CABCOCO1: variants seen among roughly 807,000 people sequenced by gnomAD.
CABCOCO1 encodes the protein ciliary associated calcium binding coiled-coil 1.
CABCOCO1 carries 28 observed loss-of-function variants against 35.7 expected under a neutral mutation model. The observed-to-expected ratio is 0.78, with a 90% confidence interval of 0.58 to 1.07. The LOEUF is 1.07. Among genes scored for constraint, CABCOCO1 ranks in the 50% least tolerant of loss-of-function variants. CABCOCO1 has a pLI of 0.00. For synonymous variants in CABCOCO1, 95 were observed against 100.1 expected, an observed-to-expected ratio of 0.95 and a Z score of 0.30; for missense variants, 326 against 309.2, an observed-to-expected ratio of 1.05 and a Z score of -0.41.
intron 5 of CABCOCO1, among the ~76,000 whole-genome samples, chr10:61,704,231 A>G (rs976773895): frequency 5.9e-5 from 9 of 152,066 alleles, no homozygotes; most frequent in African/African-American, 1.9e-4. Flanking sequence ...CTAAAAATAT[A>G]TATATATATG....
intron 2 of CABCOCO1, among the ~76,000 whole-genome samples, chr10:61,676,702 A>T (rs1839520847): frequency 6.6e-6 from 1 of 152,174 alleles, no homozygotes; most frequent in African/African-American, 2.4e-5. Flanking sequence ...ACTTAAAAGA[A>T]AAAGTAACCT....
chr10:61,677,793 G>A (rs1241967354), intron 2 of CABCOCO1, among the ~76,000 whole-genome samples: 5 of 145,046 alleles, frequency 3.4e-5, no homozygotes, highest in African/African-American at 1.3e-4. Flanking sequence ...AGAACATGCG[G>A]TGTTTGGTTT....
chr10:61,735,546 T>A lies in CABCOCO1; in HGVS notation c.553-24513T>A, dbSNP rs1219475974. On this transcript the variant is annotated intron_variant, in intron 5 of 7. Transcript: ENST00000648843. ...GGTCTTGCTGAAAAAGACGAGGGCC[T>A]TGCCTTCAAAGAGTTCACCTTATAG... Among the ~76,000 whole-genome samples the A allele has an allele frequency of 2.0e-5, 3 of 152,102 alleles. No homozygotes were observed. In the East Asian group the frequency reaches 5.8e-4, roughly 29 times the overall value.
chr10:61,672,053 T>TA (rs1294223720), intron 1 of CABCOCO1, among the ~76,000 whole-genome samples: 2 of 152,324 alleles, frequency 1.3e-5, no homozygotes, highest in Non-Finnish European at 2.9e-5. Flanking sequence ...TGCTGATATT[T>TA]ACAGAACTCC....
At chr10:61,681,334 GA>G (rs1839785574) in intron 3 of CABCOCO1, 22 bp downstream of exon 3, 1 of 1,464,014 alleles carries the variant, frequency 6.8e-7, no homozygotes, top group Admixed American at 2.2e-5. Flanking sequence ...ATTTTCCTTT[GA>G]AGTAAAACAA....
At chr10:61,717,489 T>C (rs1158221077) in intron 5 of CABCOCO1, among the ~76,000 whole-genome samples, 4 of 152,132 alleles carry the variant, frequency 2.6e-5, no homozygotes, top group Non-Finnish European at 4.4e-5. Context: ...AATTGTGCTG[T>C]ACCTAGAGAT....
At chr10:61,765,915 C>T (rs753740494) in intron 7 of CABCOCO1, 24 bp from the exon 8 acceptor site, 56 of 1,599,432 alleles carry the variant, frequency 3.5e-5, no homozygotes, top group South Asian at 7.7e-5. Context: ...ATCATAACCA[C>T]GTTTTTTATG....
At chr10:61,757,481 C>A (rs748648303) in intron 5 of CABCOCO1, among the ~76,000 whole-genome samples, 3 of 151,938 alleles carry the variant, frequency 2.0e-5, no homozygotes, top group Non-Finnish European at 2.9e-5. Flanking sequence ...ATGCAAAACA[C>A]CCTGAAGAAA....
In CABCOCO1 at chr10:61,740,847, G is replaced by C. The variant is rs1437093807; in HGVS notation, c.553-19212G>C. Reference sequence around the variant, plus strand: ...CCCCAAAATTGAGGTCATAACTAAAGTAGGAATCCAATAAGAGGGCCGGGT... The same window carrying C: ...CCCCAAAATTGAGGTCATAACTAAACTAGGAATCCAATAAGAGGGCCGGGT... On this transcript the variant is annotated intron_variant, in intron 5 of 7. Coordinates refer to ENST00000648843, the MANE Select transcript of CABCOCO1 (RefSeq NM_001366906.2). Among the ~76,000 whole-genome samples the C allele has an allele frequency of 2.6e-5, 4 of 152,140 alleles. No homozygotes were observed. The East Asian group carries it at 7.7e-4, about 29-fold the overall frequency.
chr10:61,692,325 G>T (rs530124520), intron 5 of CABCOCO1, among the ~76,000 whole-genome samples: 2 of 151,928 alleles, frequency 1.3e-5, no homozygotes, highest in Non-Finnish European at 2.9e-5. Flanking sequence ...TCCTTCACCC[G>T]CTTCTGGATG....
intron 2 of CABCOCO1, among the ~76,000 whole-genome samples, chr10:61,677,318 A>G (rs970867057): frequency 6.6e-6 from 1 of 152,072 alleles, no homozygotes; most frequent in African/African-American, 2.4e-5. Context: ...AAAGATCTTA[A>G]TTGATCATTT....
At chr10:61,735,470 A>G (rs1018167099) in intron 5 of CABCOCO1, among the ~76,000 whole-genome samples, 5 of 152,036 alleles carry the variant, frequency 3.3e-5, no homozygotes, top group Admixed American at 2.0e-4. Context: ...TCTGGTACCA[A>G]TATAGCTTAT....
At chr10:61,693,755 C>T (rs141397902) in intron 5 of CABCOCO1, among the ~76,000 whole-genome samples, 12 of 151,748 alleles carry the variant, frequency 7.9e-5, no homozygotes, top group Admixed American at 3.9e-4. Flanking sequence ...GCTGGAAATA[C>T]GGAAGATAAA....
chr10:61,722,614 T>A (rs1043022277), intron 5 of CABCOCO1, among the ~76,000 whole-genome samples: 5 of 151,968 alleles, frequency 3.3e-5, no homozygotes, highest in Non-Finnish European at 7.4e-5. Context: ...AATAAATGAA[T>A]TTTTTAAATA....
chr10:61,726,532 T>A (rs919823124), intron 5 of CABCOCO1, among the ~76,000 whole-genome samples: 11 of 152,140 alleles, frequency 7.2e-5, no homozygotes, highest in African/African-American at 1.9e-4. Flanking sequence ...TAGTTTTTTT[T>A]TAAATATTTT....
At position 61,697,389 on chromosome 10, in the gene CABCOCO1, G is replaced by A. The variant is rs554916427; in HGVS notation, c.552+6768G>A. On this transcript the variant is annotated intron_variant, in intron 5 of 7. Coordinates refer to ENST00000648843, the MANE Select transcript of CABCOCO1 (RefSeq NM_001366906.2). ...TGAATGTAGTAGATTCCTATGTATG[G>A]TTATGTTAATATCTCTAAAATATAT... 3.9e-5 allele frequency among the ~76,000 whole-genome samples: 6 copies of A among 152,142 alleles called. No individual in the cohort carries two copies. In the South Asian group the frequency reaches 1.2e-3, roughly 32 times the overall value.
At chr10:61,680,340 A>G (rs1156752248) in intron 2 of CABCOCO1, among the ~76,000 whole-genome samples, 1 of 140,234 alleles carries the variant, frequency 7.1e-6, no homozygotes, top group Non-Finnish European at 1.5e-5. Context: ...ATATTTATAT[A>G]CATATAACAT....
intron 5 of CABCOCO1, among the ~76,000 whole-genome samples, chr10:61,703,599 C>T (rs918121766): frequency 2.0e-5 from 3 of 152,042 alleles, no homozygotes; most frequent in African/African-American, 7.2e-5. Flanking sequence ...ATGCTGAATC[C>T]TCCCTCCTGT....
chr10:61,732,416 T>C, intron 5 of CABCOCO1, among the ~76,000 whole-genome samples: 1 of 152,068 alleles, frequency 6.6e-6, no homozygotes, highest in African/African-American at 2.4e-5. Flanking sequence ...GTAATGTGGT[T>C]ACATTATTTT....
Sources: allele counts gnomAD v4.1 joint callset (sites outside exome capture counted in the v4.1 genomes callset), GRCh38; gene constraint gnomAD v4.1.1; transcripts MANE v1.5; gene names NCBI Gene and HGNC (gene_info 2026-07-23, HGNC 2026-07-21).